The following SMAD3 variants were observed in gnomAD, a reference collection of about 807,000 sequenced individuals.
SMAD3 encodes MAD homolog 3.
A neutral mutation model predicts 51.8 loss-of-function variants in SMAD3; 12 were observed. That is an observed-to-expected ratio of 0.23 (90% CI 0.15 to 0.38). The LOEUF (loss-of-function observed/expected upper bound fraction) is 0.38, where lower values mean the gene tolerates loss of function less well. Ranked by LOEUF, SMAD3 falls within the 10% of genes least tolerant of loss-of-function variation. The probability of loss-of-function intolerance (pLI) is 1.00; values close to 1 mark genes in which losing one functional copy is unlikely to be tolerated. For missense variants in SMAD3, 294 were observed against 565.6 expected, an observed-to-expected ratio of 0.52 and a Z score of 4.87; for synonymous variants, 238 against 227.7, an observed-to-expected ratio of 1.05 and a Z score of -0.41.
chr15:67,146,040 A>G (rs1268770387), intron 1 of SMAD3: 2 of 152,244 alleles, frequency 1.3e-5, no homozygotes, highest in African/African-American at 4.8e-5. Context: ...ATTTAAATAT[A>G]GAGTGCTTAC....
intron 1 of SMAD3, among the ~76,000 whole-genome samples, chr15:67,150,285 A>G (rs1197237993): frequency 6.6e-6 from 1 of 151,368 alleles, no homozygotes; most frequent in Non-Finnish European, 1.5e-5. Context: ...AAACTGTGCA[A>G]TTAACACAAA....
chr15:67,189,844 G>A (rs1054363753), intron 8 of SMAD3, among the ~76,000 whole-genome samples: 16 of 151,928 alleles, frequency 1.1e-4, no homozygotes, highest in African/African-American at 3.4e-4. Flanking sequence ...TCCATGGCTC[G>A]TTCTGCTTGT....
In SMAD3 at chr15:67,192,220, A is replaced by T. The variant is rs1963384149; in HGVS notation, c.*1684A>T. 4.3e-6 allele frequency: 1 copy of T among 232,836 alleles called. No homozygotes were observed. The highest frequency in any genetic ancestry group is 2.2e-5 in the African/African-American group (1 of 45,292). 14.4% of individuals were successfully genotyped at this position (232,836 alleles called of 1,614,324 possible). On this transcript the variant is annotated 3_prime_UTR_variant, in exon 9 of 9. Transcript: ENST00000327367. Reference sequence around the variant, plus strand: ...TAGAGGGAGATGGAGAGGCTTCCTGATGCCTCATCTGCAGGGTCCTGTGCC... The same window carrying T: ...TAGAGGGAGATGGAGAGGCTTCCTGTTGCCTCATCTGCAGGGTCCTGTGCC...
At chr15:67,077,730 G>C (rs1364748036) in intron 1 of SMAD3, among the ~76,000 whole-genome samples, 1 of 152,188 alleles carries the variant, frequency 6.6e-6, no homozygotes. Flanking sequence ...AGGAGTGTAG[G>C]AGTGGAGTGG....
intron 1 of SMAD3, among the ~76,000 whole-genome samples, chr15:67,092,517 C>G (rs1960528774): frequency 6.6e-6 from 1 of 152,162 alleles, no homozygotes; most frequent in Non-Finnish European, 1.5e-5. Flanking sequence ...ATCAGAAACC[C>G]TGAGGGCGGT....
chr15:67,189,312 C>G (rs1257372803), intron 8 of SMAD3, among the ~76,000 whole-genome samples: 1 of 152,160 alleles, frequency 6.6e-6, no homozygotes, highest in Non-Finnish European at 1.5e-5. Context: ...CTCAACCTCC[C>G]TGCTACACAA....
chr15:67,117,930 C>G (rs550190947), intron 1 of SMAD3, among the ~76,000 whole-genome samples: 1 of 152,006 alleles, frequency 6.6e-6, no homozygotes, highest in African/African-American at 2.4e-5. Flanking sequence ...CGTCTCTGCC[C>G]AAAATACAAA....
intron 1 of SMAD3, among the ~76,000 whole-genome samples, chr15:67,130,392 C>T (rs922997246): frequency 2.6e-5 from 4 of 152,158 alleles, no homozygotes; most frequent in African/African-American, 7.2e-5. Context: ...AACCGGGTCT[C>T]GTAGTAGTAG....
At chr15:67,159,853 G>T (rs991812064) in intron 1 of SMAD3, among the ~76,000 whole-genome samples, 5 of 152,234 alleles carry the variant, frequency 3.3e-5, no homozygotes, top group African/African-American at 1.2e-4. Flanking sequence ...GCATGTATCA[G>T]TAGTTGATCC....
At chr15:67,149,653 CT>C (rs376659345) in intron 1 of SMAD3, among the ~76,000 whole-genome samples, 52 of 148,668 alleles carry the variant, frequency 3.5e-4, no homozygotes, top group African/African-American at 3.4e-4. Flanking sequence ...GAACCAGAAC[CT>C]TTTTTTTTTT....
At chr15:67,186,952 AC>A (rs966105967) in intron 7 of SMAD3, 1 of 413,788 alleles carries the variant, frequency 2.4e-6, no homozygotes, top group African/African-American at 2.0e-5. Flanking sequence ...GGGTGACCAG[AC>A]CCCACACAGC....
chr15:67,125,487 G>A (rs1961362843), intron 1 of SMAD3, among the ~76,000 whole-genome samples: 1 of 152,198 alleles, frequency 6.6e-6, no homozygotes, highest in African/African-American at 2.4e-5. Flanking sequence ...CTGGCCTCAG[G>A]ACCACTCTTG....
chr15:67,144,348 G>T (rs1237251183), intron 1 of SMAD3, among the ~76,000 whole-genome samples: 1 of 151,918 alleles, frequency 6.6e-6, no homozygotes, highest in Non-Finnish European at 1.5e-5. Context: ...TTGTGGTTGG[G>T]TGATATTTCT....
chr15:67,094,967 G>A (rs1960585248), intron 1 of SMAD3, among the ~76,000 whole-genome samples: 1 of 152,278 alleles, frequency 6.6e-6, no homozygotes, highest in South Asian at 2.1e-4. Context: ...GGTAAGTCAC[G>A]CCACTTCCCT....
chr15:67,090,034 GC>G (rs1459459090), intron 1 of SMAD3, among the ~76,000 whole-genome samples: 2 of 152,298 alleles, frequency 1.3e-5, no homozygotes, highest in Non-Finnish European at 2.9e-5. Flanking sequence ...CTGGAGGGCT[GC>G]CCCCGCATGG....
chr15:67,180,185 G>A (rs1357656677), intron 5 of SMAD3, among the ~76,000 whole-genome samples: 1 of 152,134 alleles, frequency 6.6e-6, no homozygotes, highest in Admixed American at 6.5e-5. Flanking sequence ...GGCCCAGGGC[G>A]CAGGGCAGTC....
At chr15:67,168,359 AC>A (rs1205581739) in intron 4 of SMAD3, among the ~76,000 whole-genome samples, 1 of 152,180 alleles carries the variant, frequency 6.6e-6, no homozygotes, top group Non-Finnish European at 1.5e-5. Context: ...AAACACACCC[AC>A]CCGGCGGAGT....
chr15:67,164,875 G>C lies in SMAD3; in HGVS notation c.207-20G>C, dbSNP rs1412483185. 6.2e-7 allele frequency: 1 copy of C among 1,612,182 alleles called. No individual in the cohort carries two copies. The highest frequency in any genetic ancestry group is 8.5e-7 in the Non-Finnish European group (1 of 1,179,800). ...ACAATCCACATTTCCCTCTCTTTCT[G>C]CCCCTCCCCGTCCTGGCAGGTCCCT... On this transcript the variant is annotated intron_variant, in intron 1 of 8. Coordinates refer to ENST00000327367, the MANE Select transcript of SMAD3 (RefSeq NM_005902.4).
chr15:67,177,055 A>G lies in SMAD3; in HGVS notation c.659-4186A>G, dbSNP rs553859962. On this transcript the variant is annotated intron_variant, in intron 5 of 8. Coordinates refer to ENST00000327367, the MANE Select transcript of SMAD3 (RefSeq NM_005902.4). ...GAACTGCTTCTGCATTTGTTGGTAA[A>G]TCCTTGAAACCAGATCTTAATTTGC... Among the ~76,000 whole-genome samples the G allele has an allele frequency of 3.2e-4, 48 of 152,216 alleles. No individual in the cohort carries two copies. The South Asian group carries it at 9.3e-3, about 30-fold the overall frequency.
Sources: gnomAD v4.1 joint callset for allele counts (sites outside exome capture counted in the v4.1 genomes callset) on GRCh38, gnomAD v4.1.1 for gene constraint, MANE v1.5 for transcripts, NCBI Gene and HGNC (gene_info 2026-07-23, HGNC 2026-07-21) for gene names.